ATG5: variants seen among roughly 807,000 people sequenced by gnomAD.
ATG5 encodes the protein autophagy related 5.
In ATG5, 14 loss-of-function variants were observed where a neutral mutation model predicts 36.5. That is an observed-to-expected ratio of 0.38 (90% confidence interval 0.25 to 0.60). The LOEUF is 0.60. Ranked by LOEUF, ATG5 falls within the 20% of genes least tolerant of loss-of-function variation. The pLI is 0.60. For synonymous variants in ATG5, 95 were observed against 101.5 expected (o/e 0.94, Z 0.38); for missense variants, 195 against 326.7 (o/e 0.60, Z 3.11).
At chr6:106,300,464 C>T (rs550360846) in intron 3 of ATG5, among the ~76,000 whole-genome samples, 2 of 152,124 alleles carry the variant, frequency 1.3e-5, no homozygotes, top group East Asian at 1.9e-4. Context: ...GTCATTCTAT[C>T]ATGTCTATGT....
At chr6:106,308,326 T>C in intron 3 of ATG5, 38 bp downstream of exon 3, 1 of 1,501,244 alleles carries the variant, frequency 6.7e-7, no homozygotes, top group South Asian at 1.4e-5. Flanking sequence ...AAAGCTAGTA[T>C]ATACTTAATG....
intron 5 of ATG5, among the ~76,000 whole-genome samples, chr6:106,269,669 G>T (rs1779372552): frequency 1.3e-5 from 2 of 152,344 alleles, no homozygotes; most frequent in African/African-American, 4.8e-5. Flanking sequence ...CTCATTGCCC[G>T]GGGCCGGCAG....
intron 4 of ATG5, among the ~76,000 whole-genome samples, chr6:106,282,130 C>A (rs145367455): frequency 1.3e-5 from 2 of 152,286 alleles, no homozygotes; most frequent in Non-Finnish European, 2.9e-5. Flanking sequence ...GGAAAACATA[C>A]AATGCACACA....
chr6:106,214,705 A>G (rs1188998110), intron 6 of ATG5, among the ~76,000 whole-genome samples: 1 of 152,202 alleles, frequency 6.6e-6, no homozygotes, highest in Non-Finnish European at 1.5e-5. Flanking sequence ...AAATAAGCGC[A>G]ACACTTTGTT....
At chr6:106,234,285 C>A (rs1415173108) in intron 6 of ATG5, among the ~76,000 whole-genome samples, 4 of 152,204 alleles carry the variant, frequency 2.6e-5, no homozygotes, top group Admixed American at 6.5e-5. Flanking sequence ...ACCACCCTCA[C>A]TGGGCTCCAT....
At chr6:106,250,498 A>G (rs1228947739) in intron 5 of ATG5, among the ~76,000 whole-genome samples, 1 of 152,218 alleles carries the variant, frequency 6.6e-6, no homozygotes, top group African/African-American at 2.4e-5. Context: ...AAAGTCCCCA[A>G]TTGCTTCAAC....
At chr6:106,314,407 A>C (rs1243483286) in intron 2 of ATG5, among the ~76,000 whole-genome samples, 1 of 152,122 alleles carries the variant, frequency 6.6e-6, no homozygotes, top group East Asian at 1.9e-4. Context: ...AAATCTAAAA[A>C]TTAACCGAGC....
chr6:106,302,250 A>C (rs1288566705), intron 3 of ATG5, among the ~76,000 whole-genome samples: 1 of 152,118 alleles, frequency 6.6e-6, no homozygotes, highest in Admixed American at 6.5e-5. Context: ...AGATGAGCAA[A>C]GAAACGGAAG....
intron 5 of ATG5, among the ~76,000 whole-genome samples, chr6:106,257,171 G>A (rs996830589): frequency 2.6e-5 from 4 of 151,924 alleles, no homozygotes; most frequent in African/African-American, 9.7e-5. Flanking sequence ...AAGTCTTTAG[G>A]GGCAATAACA....
chr6:106,187,101 T>C (rs1775804851), intron 7 of ATG5, among the ~76,000 whole-genome samples: 3 of 152,322 alleles, frequency 2.0e-5, no homozygotes, highest in African/African-American at 7.2e-5. Flanking sequence ...AATAGAAATG[T>C]GACTAGAAAT....
intron 1 of ATG5, among the ~76,000 whole-genome samples, chr6:106,323,564 C>T (rs1771181376): frequency 6.6e-6 from 1 of 152,084 alleles, no homozygotes; most frequent in African/African-American, 2.4e-5. Context: ...GTTGCTCAGT[C>T]CGTAACCCTT....
At chr6:106,312,623 TACAC>T (rs144983689) in intron 2 of ATG5, among the ~76,000 whole-genome samples, 26,922 of 144,270 alleles carry the variant, frequency 0.19, 3,250 homozygotes, top group African/African-American at 0.34. Flanking sequence ...CAAAAAAGAC[TACAC>T]ACACACACAC....
At chr6:106,292,001 G>A (rs1314647761) in intron 4 of ATG5, among the ~76,000 whole-genome samples, 12 of 152,148 alleles carry the variant, frequency 7.9e-5, no homozygotes, top group South Asian at 6.2e-4. Context: ...AGCAACCTTT[G>A]GGCAGTAACT....
At chr6:106,213,634 T>C (rs888082923) in intron 6 of ATG5, among the ~76,000 whole-genome samples, 1 of 152,078 alleles carries the variant, frequency 6.6e-6, no homozygotes, top group Non-Finnish European at 1.5e-5. Flanking sequence ...GAGAGAAAAG[T>C]GGACTAAAGG....
chr6:106,207,309 AG>A (rs1776671049), intron 6 of ATG5, among the ~76,000 whole-genome samples: 1 of 152,248 alleles, frequency 6.6e-6, no homozygotes, highest in African/African-American at 2.4e-5. Flanking sequence ...GATATATTGA[AG>A]AAAAGCAGAA....
intron 5 of ATG5, among the ~76,000 whole-genome samples, chr6:106,259,768 G>T (rs1164420608): frequency 4.6e-5 from 7 of 152,024 alleles, no homozygotes; most frequent in Non-Finnish European, 8.8e-5. Flanking sequence ...AATACCTGTG[G>T]GACAAAATCT....
chr6:106,311,819 A>G (rs1355959251), intron 2 of ATG5, among the ~76,000 whole-genome samples: 3 of 151,468 alleles, frequency 2.0e-5, no homozygotes, highest in Admixed American at 1.3e-4. Flanking sequence ...CTACTGTGCA[A>G]TTTGATCTCC....
At chr6:106,313,287 T>C (rs1326201262) in intron 2 of ATG5, among the ~76,000 whole-genome samples, 1 of 152,230 alleles carries the variant, frequency 6.6e-6, no homozygotes. Context: ...CATTTCTCTT[T>C]TCTTCATGAA....
Position 106,307,093 on chromosome 6 carries a change from T to C in ATG5, c.236+1271A>G, listed in dbSNP as rs1289301338. On this transcript the variant is annotated intron_variant, in intron 3 of 7. Transcript: ENST00000369076. ...TCCATTATGAAAAATCTACTCATTC[T>C]TGGGATCTCATCAGCACAAGGTGAG... Among the ~76,000 whole-genome samples, 4 of 152,226 alleles carry C rather than the reference T, an allele frequency of 2.6e-5. No homozygotes were observed. In the South Asian group the frequency reaches 8.3e-4, roughly 32 times the overall value.
Sources: gnomAD v4.1 joint callset for allele counts (sites outside exome capture counted in the v4.1 genomes callset) on GRCh38, gnomAD v4.1.1 for gene constraint, MANE v1.5 for transcripts, NCBI Gene and HGNC (gene_info 2026-07-23, HGNC 2026-07-21) for gene names.